Variants in CRPPA observed in about 807,000 individuals in gnomAD.
CRPPA encodes D-ribitol-5-phosphate cytidylyltransferase.
A neutral mutation model predicts 52.0 loss-of-function variants in CRPPA; 43 were observed. That is an observed-to-expected ratio of 0.83 (90% confidence interval 0.65 to 1.07). The LOEUF (loss-of-function observed/expected upper bound fraction) is 1.07. Among genes scored for constraint, CRPPA ranks in the 50% least tolerant of loss-of-function variants. The pLI, the probability that CRPPA is intolerant of heterozygous loss-of-function variation, is 0.00. For synonymous variants in CRPPA, 250 were observed against 203.5 expected, an observed-to-expected ratio of 1.23 and a Z score of -1.94; for missense variants, 629 against 551.7, an observed-to-expected ratio of 1.14 and a Z score of -1.40.
At chr7:16,169,191 T>C (rs779997198) in intron 9 of CRPPA, among the ~76,000 whole-genome samples, 4 of 152,164 alleles carry the variant, frequency 2.6e-5, no homozygotes, top group Non-Finnish European at 4.4e-5. Context: ...AATACCCAGC[T>C]TACATCTTCC....
At chr7:16,230,949 G>A (rs1235969061) in intron 8 of CRPPA, among the ~76,000 whole-genome samples, 1 of 151,986 alleles carries the variant, frequency 6.6e-6, no homozygotes, top group Non-Finnish European at 1.5e-5. Flanking sequence ...GATGGAGATT[G>A]AGTTTACCAA....
intron 9 of CRPPA, among the ~76,000 whole-genome samples, chr7:16,131,195 A>C (rs908007451): frequency 6.6e-5 from 10 of 152,250 alleles, no homozygotes; most frequent in African/African-American, 2.4e-4. Context: ...AGAGACTTTG[A>C]AACTGGATAA....
chr7:16,342,637 G>A lies in CRPPA; in HGVS notation c.684+33455C>T, dbSNP rs559618662. ...GAGAATTAAAAACATGCACAAGGCCGGGCACAGTGGATCACACCAGTAATG... is the reference window on the plus strand; with the variant it reads ...GAGAATTAAAAACATGCACAAGGCCAGGCACAGTGGATCACACCAGTAATG... On this transcript the variant is annotated intron_variant, in intron 3 of 9. Coordinates refer to ENST00000407010, the MANE Select transcript of CRPPA (RefSeq NM_001101426.4). Among the ~76,000 whole-genome samples the A allele has an allele frequency of 9.7e-4, 145 of 150,216 alleles. 3 individuals are homozygous for A. Among genetic ancestry groups the A allele is most frequent in the African/African-American group, 3.2e-3 (130 of 41,004 alleles).
intron 9 of CRPPA, among the ~76,000 whole-genome samples, chr7:16,144,750 G>A (rs1782940707): frequency 6.6e-6 from 1 of 152,136 alleles, no homozygotes; most frequent in African/African-American, 2.4e-5. Context: ...AGCGGGGCTG[G>A]CTGATGGGGG....
chr7:16,306,851 CA>C (rs1784923854), intron 4 of CRPPA, among the ~76,000 whole-genome samples: 1 of 152,042 alleles, frequency 6.6e-6, no homozygotes, highest in Non-Finnish European at 1.5e-5. Flanking sequence ...CCAGCAGAGG[CA>C]GACATTTTAG....
chr7:16,180,010 GT>G (rs1416452329), intron 9 of CRPPA, among the ~76,000 whole-genome samples: 2 of 152,086 alleles, frequency 1.3e-5, no homozygotes, highest in Non-Finnish European at 2.9e-5. Context: ...TCAAGAAAAG[GT>G]TTTTTCCTAA....
At chr7:16,387,448 A>G (rs1305570377) in intron 2 of CRPPA, among the ~76,000 whole-genome samples, 3 of 152,136 alleles carry the variant, frequency 2.0e-5, no homozygotes, top group African/African-American at 7.2e-5. Context: ...ATTACAATAA[A>G]AATTTTCACT....
In CRPPA at chr7:16,388,254, C is replaced by A. The variant is rs373211529; in HGVS notation, c.535-12013G>T. ...GAGTCCCCAAGTGGGCATGGAGCAACCATGCCCAGCCAAAGTTGGGAATTT... is the reference window on the plus strand; with the variant it reads ...GAGTCCCCAAGTGGGCATGGAGCAAACATGCCCAGCCAAAGTTGGGAATTT... On this transcript the variant is annotated intron_variant, in intron 2 of 9. Transcript: ENST00000407010. 1.9e-4 allele frequency among the ~76,000 whole-genome samples: 29 copies of A among 151,992 alleles called. 1 individual carries two copies. In the South Asian group the frequency reaches 5.4e-3, roughly 28 times the overall value.
At chr7:16,410,024 G>A (rs1025405443) in intron 1 of CRPPA, among the ~76,000 whole-genome samples, 2 of 152,122 alleles carry the variant, frequency 1.3e-5, no homozygotes, top group African/African-American at 2.4e-5. Context: ...TGAAAACAAA[G>A]GAGGCTCTCA....
intron 9 of CRPPA, among the ~76,000 whole-genome samples, chr7:16,124,043 T>C (rs1782527284): frequency 6.6e-6 from 1 of 152,066 alleles, no homozygotes; most frequent in East Asian, 1.9e-4. Context: ...CACATACTCA[T>C]TTCCCTTCCT....
intron 9 of CRPPA, among the ~76,000 whole-genome samples, chr7:16,153,914 G>C (rs1239295679): frequency 6.6e-6 from 1 of 151,296 alleles, no homozygotes; most frequent in African/African-American, 2.4e-5. Flanking sequence ...AATTTGTTTT[G>C]TGTTTTATGT....
chr7:16,299,674 C>T (rs1034278098), intron 5 of CRPPA, among the ~76,000 whole-genome samples: 2 of 152,128 alleles, frequency 1.3e-5, no homozygotes, highest in African/African-American at 4.8e-5. Context: ...GAGCTGTTTA[C>T]ACTAGGCAGG....
chr7:16,217,374 C>A (rs1399183277), intron 8 of CRPPA, among the ~76,000 whole-genome samples: 2 of 151,832 alleles, frequency 1.3e-5, no homozygotes, highest in Non-Finnish European at 2.9e-5. Context: ...AACTCTAAAA[C>A]GCAGAGCACC....
At chr7:16,415,631 T>C (rs1312841831) in intron 1 of CRPPA, among the ~76,000 whole-genome samples, 1 of 152,180 alleles carries the variant, frequency 6.6e-6, no homozygotes, top group East Asian at 1.9e-4. Flanking sequence ...AAGTAAGTTC[T>C]ACCTGAACTG....
intron 6 of CRPPA, among the ~76,000 whole-genome samples, chr7:16,274,151 G>A (rs1028322875): frequency 3.9e-5 from 6 of 152,148 alleles, no homozygotes; most frequent in South Asian, 2.1e-4. Flanking sequence ...CCGGGTTCAC[G>A]ACATTCTCCT....
chr7:16,279,350 C>A (rs1784271197), intron 5 of CRPPA, among the ~76,000 whole-genome samples: 1 of 152,098 alleles, frequency 6.6e-6, no homozygotes, highest in South Asian at 2.1e-4. Flanking sequence ...ATTATGCATT[C>A]CAGGAGCTAT....
chr7:16,098,800 T>C (rs1431879624), intron 9 of CRPPA, among the ~76,000 whole-genome samples: 1 of 152,196 alleles, frequency 6.6e-6, no homozygotes, highest in Non-Finnish European at 1.5e-5. Context: ...TGAAAATAAC[T>C]TTTCAGTGTA....
rs528292424 is a variant in CRPPA, at chr7:16,332,327, T to C, written c.685-23700A>G. Among the ~76,000 whole-genome samples the C allele has an allele frequency of 8.7e-4, 133 of 152,240 alleles. 1 individual carries two copies. The South Asian group carries it at 0.027, about 30-fold the overall frequency. ...AAAGGAGCTATTTAGAGGGAAATGA[T>C]ACAGGTCAGAGACTTTACATAAAGA... On this transcript the variant is annotated intron_variant, in intron 3 of 9. Transcript: ENST00000407010.
intron 9 of CRPPA, among the ~76,000 whole-genome samples, chr7:16,125,637 G>T (rs907343518): frequency 2.6e-5 from 4 of 152,038 alleles, no homozygotes; most frequent in African/African-American, 9.7e-5. Context: ...ATAAGCAAGT[G>T]TCACAAATCC....
Sources: gnomAD v4.1 joint callset for allele counts (sites outside exome capture counted in the v4.1 genomes callset) on GRCh38, gnomAD v4.1.1 for gene constraint, MANE v1.5 for transcripts, NCBI Gene and HGNC (gene_info 2026-07-23, HGNC 2026-07-21) for gene names.